CREB5: variants seen among roughly 807,000 people sequenced by gnomAD.
The protein encoded by CREB5 is cAMP responsive element binding protein 5.
A neutral mutation model predicts 57.1 loss-of-function variants in CREB5; 19 were observed. The observed-to-expected ratio is 0.33, with a 90% CI of 0.23 to 0.49. The LOEUF is 0.49. Among genes scored for constraint, CREB5 ranks in the 20% least tolerant of loss-of-function variants. The probability of loss-of-function intolerance (pLI) is 0.99; values close to 1 mark genes in which losing one functional copy is unlikely to be tolerated. For missense variants in CREB5, 579 were observed against 671.6 expected (o/e 0.86, Z 1.52); for synonymous variants, 238 against 238.3 (o/e 1.00, Z 0.01).
At chr7:28,475,780 T>C (rs1791045588) in intron 1 of CREB5, among the ~76,000 whole-genome samples, 1 of 152,082 alleles carries the variant, frequency 6.6e-6, no homozygotes, top group South Asian at 2.1e-4. Context: ...CAGGCACATA[T>C]GGGGACGTGG....
At chr7:28,772,880 G>A (rs1465125965) in intron 7 of CREB5, among the ~76,000 whole-genome samples, 2 of 152,144 alleles carry the variant, frequency 1.3e-5, no homozygotes, top group Non-Finnish European at 2.9e-5. Flanking sequence ...AGTGACACTT[G>A]TGCACCAGCT....
chr7:28,490,968 G>A (rs889922407), intron 2 of CREB5, among the ~76,000 whole-genome samples: 2 of 152,228 alleles, frequency 1.3e-5, no homozygotes, highest in African/African-American at 4.8e-5. Flanking sequence ...GTCAGGCACC[G>A]CTAGAGCTGG....
chr7:28,687,087 G>A (rs1800975987), intron 5 of CREB5, among the ~76,000 whole-genome samples: 1 of 152,106 alleles, frequency 6.6e-6, no homozygotes, highest in Non-Finnish European at 1.5e-5. Flanking sequence ...TTATTATTAA[G>A]AATATACTGC....
chr7:28,566,461 C>T (rs968738898), intron 4 of CREB5, among the ~76,000 whole-genome samples: 4 of 152,232 alleles, frequency 2.6e-5, no homozygotes, highest in Non-Finnish European at 5.9e-5. Context: ...GACATTGTTT[C>T]ACCAGCTTCA....
chr7:28,372,356 A>G (rs1455999901), intron 1 of CREB5, among the ~76,000 whole-genome samples: 1 of 152,190 alleles, frequency 6.6e-6, no homozygotes, highest in Non-Finnish European at 1.5e-5. Flanking sequence ...AATAATGGAG[A>G]CGTCCTGGTA....
At chr7:28,344,579 G>A (rs904759460) in intron 1 of CREB5, among the ~76,000 whole-genome samples, 3 of 152,176 alleles carry the variant, frequency 2.0e-5, no homozygotes, top group Non-Finnish European at 4.4e-5. Flanking sequence ...GTCAGGTAGT[G>A]TGATACCTCC....
chr7:28,650,090 T>C (rs1799066273), intron 5 of CREB5, among the ~76,000 whole-genome samples: 4 of 152,322 alleles, frequency 2.6e-5, no homozygotes, highest in African/African-American at 9.6e-5. Context: ...TACACACCAA[T>C]AGTCCCCAGT....
rs889030611 is a variant in CREB5 at position 28,537,550 on chromosome 7, G to A, written c.291+29813G>A. On this transcript the variant is annotated intron_variant, in intron 4 of 10. Transcript: ENST00000357727. ...GGTTACTGGATGGAGTTGAATCATA[G>A]CCTATTTACATGAATACAGGGGGAG... Among the ~76,000 whole-genome samples, 17 of 152,158 alleles carry A rather than the reference G, an allele frequency of 1.1e-4. 1 individual carries two copies. The highest frequency in any genetic ancestry group is 1.8e-4 in the Non-Finnish European group (12 of 68,024).
intron 1 of CREB5, among the ~76,000 whole-genome samples, chr7:28,366,504 G>T (rs1219016293): frequency 1.3e-5 from 2 of 152,146 alleles, no homozygotes; most frequent in African/African-American, 4.8e-5. Context: ...CTTTTTAAAA[G>T]ATGTCAGCTC....
intron 8 of CREB5, among the ~76,000 whole-genome samples, chr7:28,806,828 T>G (rs1370113617): frequency 3.3e-5 from 5 of 152,242 alleles, no homozygotes; most frequent in Non-Finnish European, 7.3e-5. Flanking sequence ...AATTGAAAGA[T>G]AAGTCCCTGC....
chr7:28,369,479 T>G (rs1390744100), intron 1 of CREB5, among the ~76,000 whole-genome samples: 2 of 150,310 alleles, frequency 1.3e-5, no homozygotes, highest in Non-Finnish European at 3.0e-5. Flanking sequence ...GCAAGTCACA[T>G]CATTCTTTAC....
At chr7:28,381,535 A>G (rs1375349630) in intron 1 of CREB5, among the ~76,000 whole-genome samples, 20 of 152,218 alleles carry the variant, frequency 1.3e-4, no homozygotes, top group Admixed American at 1.3e-3. Flanking sequence ...GACAGAAAAA[A>G]GTTTGTTTTC....
At chr7:28,644,373 G>A (rs1276832746) in intron 5 of CREB5, among the ~76,000 whole-genome samples, 1 of 151,456 alleles carries the variant, frequency 6.6e-6, no homozygotes, top group Non-Finnish European at 1.5e-5. Flanking sequence ...CAGAGGAAGT[G>A]TTTTCAGACT....
At chr7:28,645,201 C>T (rs1798843339) in intron 5 of CREB5, among the ~76,000 whole-genome samples, 1 of 152,188 alleles carries the variant, frequency 6.6e-6, no homozygotes, top group Non-Finnish European at 1.5e-5. Flanking sequence ...GAATAATTTT[C>T]TTTTCTTACC....
chr7:28,503,292 ATAATCC>A (rs1312151744), intron 3 of CREB5, among the ~76,000 whole-genome samples: 1 of 152,226 alleles, frequency 6.6e-6, no homozygotes, highest in Non-Finnish European at 1.5e-5. Flanking sequence ...TTGGTAATTG[ATAATCC>A]TAACAACTTT....
chr7:28,772,499 G>A (rs143211933), intron 7 of CREB5, among the ~76,000 whole-genome samples: 44 of 152,110 alleles, frequency 2.9e-4, no homozygotes, highest in African/African-American at 1.1e-3. Flanking sequence ...GAGAAGGCGC[G>A]CCCAGCACTG....
At chr7:28,663,317 A>G (rs1799685937) in intron 5 of CREB5, among the ~76,000 whole-genome samples, 1 of 151,924 alleles carries the variant, frequency 6.6e-6, no homozygotes, top group Admixed American at 6.5e-5. Context: ...CGATTCTCCC[A>G]TCTCAGCCTC....
intron 4 of CREB5, among the ~76,000 whole-genome samples, chr7:28,534,067 G>A (rs544497747): frequency 6.6e-6 from 1 of 152,148 alleles, no homozygotes; most frequent in South Asian, 2.1e-4. Context: ...TGACAACACT[G>A]GGGGGAAGAG....
chr7:28,577,860 G>A (rs914284712), intron 5 of CREB5, among the ~76,000 whole-genome samples: 6 of 152,176 alleles, frequency 3.9e-5, no homozygotes. Flanking sequence ...GTGTGACTAG[G>A]TATAGCTTCC....
Sources: allele counts gnomAD v4.1 joint callset (sites outside exome capture counted in the v4.1 genomes callset), GRCh38; gene constraint gnomAD v4.1.1; transcripts MANE v1.5; gene names NCBI Gene and HGNC (gene_info 2026-07-23, HGNC 2026-07-21).